GRIK2: variants seen among roughly 807,000 people sequenced by gnomAD.
GRIK2 encodes the protein glutamate receptor ionotropic, kainate 2.
In GRIK2, 32 loss-of-function variants were observed where a neutral mutation model predicts 100.3. That is an observed-to-expected ratio of 0.32 (90% confidence interval 0.24 to 0.43). The LOEUF is 0.43. Ranked by LOEUF, GRIK2 falls within the 20% of genes least tolerant of loss-of-function variation. GRIK2 has a pLI of 1.00. For missense variants in GRIK2, 843 were observed against 1,114.9 expected, an observed-to-expected ratio of 0.76 and a Z score of 3.47; for synonymous variants, 417 against 389.4, an observed-to-expected ratio of 1.07 and a Z score of -0.83.
intron 7 of GRIK2, among the ~76,000 whole-genome samples, chr6:101,694,619 G>T (rs1772347527): frequency 6.6e-6 from 1 of 152,060 alleles, no homozygotes; most frequent in African/African-American, 2.4e-5. Context: ...GGCTAAGGAA[G>T]TTTATTACTG....
intron 8 of GRIK2, among the ~76,000 whole-genome samples, chr6:101,801,737 T>C (rs890148907): frequency 1.3e-5 from 2 of 151,902 alleles, no homozygotes; most frequent in Admixed American, 6.6e-5. Flanking sequence ...CCTTTTAGGG[T>C]TGAACATATT....
chr6:101,491,070 A>G (rs1773077446), intron 2 of GRIK2, among the ~76,000 whole-genome samples: 1 of 120,156 alleles, frequency 8.3e-6, no homozygotes, highest in East Asian at 2.1e-4. Context: ...GTAGACATCC[A>G]TGAGTCATAC....
At chr6:101,767,100 A>G (rs2128395107) in intron 7 of GRIK2, among the ~76,000 whole-genome samples, 1 of 152,348 alleles carries the variant, frequency 6.6e-6, no homozygotes, top group South Asian at 2.1e-4. Flanking sequence ...TCAGGTAAAC[A>G]TTGAATACTA....
chr6:101,846,861 T>G (rs1783840616), intron 10 of GRIK2, among the ~76,000 whole-genome samples: 1 of 152,050 alleles, frequency 6.6e-6, no homozygotes, highest in Admixed American at 6.6e-5. Context: ...AGGCCCTCTT[T>G]TTTCATCTGA....
At chr6:101,635,733 A>C (rs933111241) in intron 4 of GRIK2, among the ~76,000 whole-genome samples, 2 of 152,232 alleles carry the variant, frequency 1.3e-5, no homozygotes, top group African/African-American at 2.4e-5. Flanking sequence ...TTTTGTGGCC[A>C]ACAAACATAT....
intron 7 of GRIK2, among the ~76,000 whole-genome samples, chr6:101,782,907 A>G (rs951150894): frequency 1.5e-5 from 2 of 136,218 alleles, no homozygotes; most frequent in Non-Finnish European, 3.0e-5. Flanking sequence ...CCCAGGCTGG[A>G]GTGCAGTGGT....
chr6:102,037,614 GGCAA>G (rs1770340142), intron 15 of GRIK2, among the ~76,000 whole-genome samples: 1 of 140,486 alleles, frequency 7.1e-6, no homozygotes, highest in Admixed American at 7.1e-5. Context: ...TTCAAAATTG[GGCAA>G]TTAATTTTAA....
chr6:102,001,171 C>A (rs1318143695), intron 14 of GRIK2, among the ~76,000 whole-genome samples: 3 of 148,622 alleles, frequency 2.0e-5, no homozygotes. Flanking sequence ...CTGTTCCAGG[C>A]ATTCTTCTTC....
Position 101,435,704 on chromosome 6 carries a change from T to C in GRIK2, c.115+36312T>C, listed in dbSNP as rs144251320. Among the ~76,000 whole-genome samples, 129 of 152,298 alleles carry C rather than the reference T, an allele frequency of 8.5e-4. 1 individual carries two copies. Among genetic ancestry groups the C allele is most frequent in the African/African-American group, 2.9e-3 (122 of 41,582 alleles). On this transcript the variant is annotated intron_variant, in intron 2 of 16. Transcript: ENST00000369134. ...CAAGATCCATGTGCCCAAAGATCATTGTTTTGTTCTTTTCAGAACCCACTT... is the reference window on the plus strand; with the variant it reads ...CAAGATCCATGTGCCCAAAGATCATCGTTTTGTTCTTTTCAGAACCCACTT...
chr6:101,682,707 T>C (rs1582952156), intron 6 of GRIK2, 101 bp downstream of exon 6: 5 of 559,294 alleles, frequency 8.9e-6, no homozygotes, highest in Non-Finnish European at 1.6e-5. Context: ...CTGATTCCTT[T>C]GTAGTTATAT....
At position 101,859,473 on chromosome 6, in the gene GRIK2, G is replaced by A. The variant is rs370079482; in HGVS notation, c.1504G>A (p.Val502Ile). 6.3e-7 allele frequency: 1 copy of A among 1,596,786 alleles called. No individual in the cohort carries two copies. Among genetic ancestry groups the A allele is most frequent in the Non-Finnish European group, 8.6e-7 (1 of 1,165,576 alleles). Reference sequence around the variant, plus strand: ...TGCCAATGGACAATGGAATGGAATGGTTCGTGAACTAATTGATCATGTAAG... The same window carrying A: ...TGCCAATGGACAATGGAATGGAATGATTCGTGAACTAATTGATCATGTAAG... ...DDANGQWNGM[V>I]RELIDHKADL... The change falls in exon 11 of 17, where the codon GTT becomes ATT. Residue 502 changes from valine (V) to isoleucine (I), a missense_variant. Around this residue, in one of 3 missense-constraint regions of GRIK2, gnomAD observed 519 missense variants for 643.8 expected, o/e 0.81. Transcript: ENST00000369134.
intron 2 of GRIK2, among the ~76,000 whole-genome samples, chr6:101,409,277 G>C (rs1775754526): frequency 6.6e-6 from 1 of 151,934 alleles, no homozygotes; most frequent in Admixed American, 6.6e-5. Context: ...ATACTAGACA[G>C]GTTTGCAGCC....
At chr6:101,404,647 T>A (rs138457469) in intron 2 of GRIK2, among the ~76,000 whole-genome samples, 48 of 152,354 alleles carry the variant, frequency 3.2e-4, no homozygotes, top group African/African-American at 1.1e-3. Flanking sequence ...ACTTAGGGCT[T>A]GCAGGAGATC....
intron 7 of GRIK2, among the ~76,000 whole-genome samples, chr6:101,794,291 C>CTTTT (rs1780129712): frequency 1.3e-5 from 2 of 151,922 alleles, no homozygotes; most frequent in African/African-American, 2.4e-5. Flanking sequence ...GAAATCACCC[C>CTTTT]TCTTCTGCGT....
chr6:101,653,456 A>G (rs1271593330), intron 4 of GRIK2, among the ~76,000 whole-genome samples: 2 of 151,872 alleles, frequency 1.3e-5, no homozygotes, highest in Non-Finnish European at 2.9e-5. Flanking sequence ...GATCAATGCC[A>G]GGCAAAGTGA....
rs1335595776 is a variant in GRIK2 at position 101,565,933 on chromosome 6, GTGTATA to G, written c.116-56014_116-56009del. Reference sequence around the variant, plus strand: ...ACCTATTTTATATATATATATATATGTGTATATATATATATATATATATATAAGCAA... The same window carrying G: ...ACCTATTTTATATATATATATATATGTATATATATATATATATATAAGCAA... On this transcript the variant is annotated intron_variant, in intron 2 of 16. Transcript: ENST00000369134. Among the ~76,000 whole-genome samples, 308 of 62,764 alleles carry G rather than the reference GTGTATA, an allele frequency of 4.9e-3. 9 individuals are homozygous for G. The highest frequency in any genetic ancestry group is 0.015 in the African/African-American group (297 of 19,548). The allele number at this position is 62,764 out of a possible 152,430, so 41.2% of individuals were successfully genotyped here.
At chr6:101,830,309 A>C (rs1197422830) in intron 10 of GRIK2, among the ~76,000 whole-genome samples, 1 of 152,078 alleles carries the variant, frequency 6.6e-6, no homozygotes, top group Non-Finnish European at 1.5e-5. Context: ...CTAAGGCCTC[A>C]AACTGTAAAA....
At chr6:101,919,583 T>G (rs1467505019) in intron 12 of GRIK2, among the ~76,000 whole-genome samples, 1 of 151,810 alleles carries the variant, frequency 6.6e-6, no homozygotes, top group Non-Finnish European at 1.5e-5. Flanking sequence ...GGAGAATTTA[T>G]GGCTGTAAAT....
Position 101,678,093 on chromosome 6 carries a change from C to G in GRIK2, c.723+1289C>G, listed in dbSNP as rs531325072. 1.9e-3 allele frequency among the ~76,000 whole-genome samples: 282 copies of G among 152,138 alleles called. 2 individuals are homozygous for G. Among genetic ancestry groups the G allele is most frequent in the African/African-American group, 6.2e-3 (256 of 41,538 alleles). ...GAATACACAGGCTTGGAAAAGAGAC[C>G]TTTCCTTTACTCCTGGAGTGAGTGG... On this transcript the variant is annotated intron_variant, in intron 5 of 16. Coordinates refer to ENST00000369134, the MANE Select transcript of GRIK2 (RefSeq NM_021956.5).
Sources: allele counts gnomAD v4.1 joint callset (sites outside exome capture counted in the v4.1 genomes callset), GRCh38; gene constraint gnomAD v4.1.1; regional missense constraint gnomAD v4.1.1; transcripts MANE v1.5; gene names NCBI Gene and HGNC (gene_info 2026-07-23, HGNC 2026-07-21).